Variants in TTC28 observed in about 807,000 individuals in gnomAD.
TTC28 encodes the protein tetratricopeptide repeat domain 28.
TTC28 carries 61 observed loss-of-function variants against 198.0 expected under a neutral mutation model. The observed-to-expected ratio is 0.31, with a 90% CI of 0.25 to 0.38. The LOEUF (loss-of-function observed/expected upper bound fraction) is 0.38, where lower values mean the gene tolerates loss of function less well. Ranked by LOEUF, TTC28 falls within the 10% of genes least tolerant of loss-of-function variation. TTC28 has a pLI of 1.00. For synonymous variants in TTC28, 1,171 were observed against 1,297.8 expected (o/e 0.90, Z 2.10); for missense variants, 2,678 against 3,164.0 (o/e 0.85, Z 3.69).
intron 2 of TTC28, among the ~76,000 whole-genome samples, chr22:28,400,246 T>G (rs1450783809): frequency 6.6e-6 from 1 of 152,180 alleles, no homozygotes. Flanking sequence ...CATCAACCAA[T>G]TTTTACTTAA....
intron 5 of TTC28, among the ~76,000 whole-genome samples, chr22:28,238,701 G>A (rs918785641): frequency 3.3e-5 from 5 of 152,044 alleles, no homozygotes; most frequent in African/African-American, 9.7e-5. Flanking sequence ...TTTCCATCTG[G>A]CCATGTGGTA....
intron 2 of TTC28, among the ~76,000 whole-genome samples, chr22:28,351,468 C>G (rs2045995181): frequency 6.6e-6 from 1 of 152,134 alleles, no homozygotes; most frequent in African/African-American, 2.4e-5. Flanking sequence ...ACGTGAAAAG[C>G]CTTTGTGAAT....
intron 5 of TTC28, among the ~76,000 whole-genome samples, chr22:28,179,123 T>C (rs1923453407): frequency 1.3e-5 from 2 of 152,092 alleles, no homozygotes; most frequent in African/African-American, 2.4e-5. Context: ...ATTGGGTCTA[T>C]TTTAAGCACT....
At chr22:28,169,718 C>A (rs112592774) in intron 5 of TTC28, among the ~76,000 whole-genome samples, 4 of 151,826 alleles carry the variant, frequency 2.6e-5, no homozygotes, top group African/African-American at 4.8e-5. Flanking sequence ...ATACCTAATG[C>A]TAAATGACGA....
chr22:28,449,869 G>A (rs1027207436), intron 2 of TTC28, among the ~76,000 whole-genome samples: 1 of 152,078 alleles, frequency 6.6e-6, no homozygotes, highest in African/African-American at 2.4e-5. Flanking sequence ...AGTCAAACAG[G>A]TCCTAAGAGC....
intron 5 of TTC28, among the ~76,000 whole-genome samples, chr22:28,189,406 G>A (rs917766348): frequency 2.0e-5 from 3 of 151,868 alleles, no homozygotes; most frequent in Admixed American, 2.0e-4. Context: ...CTAAGGAAGG[G>A]GGAAGAAAGA....
chr22:28,588,259 G>A (rs923712758), intron 2 of TTC28, among the ~76,000 whole-genome samples: 4 of 152,004 alleles, frequency 2.6e-5, no homozygotes, highest in South Asian at 2.1e-4. Context: ...CATACTTTCC[G>A]TCATCAGGAA....
At chr22:28,172,059 T>G (rs1004739957) in intron 5 of TTC28, among the ~76,000 whole-genome samples, 1 of 152,114 alleles carries the variant, frequency 6.6e-6, no homozygotes, top group African/African-American at 2.4e-5. Context: ...CCCACCTTAT[T>G]CTTTGTGGGT....
intron 2 of TTC28, among the ~76,000 whole-genome samples, chr22:28,622,105 G>A (rs1022358378): frequency 1.3e-5 from 2 of 152,166 alleles, no homozygotes; most frequent in Non-Finnish European, 2.9e-5. Context: ...GCTGTAAAGT[G>A]AGTCCCCATT....
chr22:28,292,597 T>G (rs1011008401), intron 5 of TTC28, among the ~76,000 whole-genome samples: 12 of 152,236 alleles, frequency 7.9e-5, no homozygotes, highest in African/African-American at 2.9e-4. Flanking sequence ...ATCTGGTCTT[T>G]GCTAAAGCCA....
intron 6 of TTC28, among the ~76,000 whole-genome samples, chr22:28,141,473 G>C (rs747697805): frequency 6.6e-6 from 1 of 151,948 alleles, no homozygotes; most frequent in East Asian, 1.9e-4. Context: ...TTTTCATTAC[G>C]TCTCACTGAA....
Position 28,392,422 on chromosome 22 carries a change from C to T in TTC28, c.382-85779G>A, listed in dbSNP as rs553504036. On this transcript the variant is annotated intron_variant, in intron 2 of 22. Coordinates refer to ENST00000397906, the MANE Select transcript of TTC28 (RefSeq NM_001145418.2). ...TTACCTAAGCAAGCCTGGGCAATGG[C>T]GGGCACTCCTCCCCCAGCCTCGCTG... is the stretch of plus-strand genomic sequence containing the variant. Among the ~76,000 whole-genome samples the T allele has an allele frequency of 2.6e-4, 40 of 152,254 alleles. 2 individuals are homozygous for T. The highest frequency in any genetic ancestry group is 9.1e-4 in the African/African-American group (38 of 41,532).
chr22:28,644,924 T>A (rs545238440), intron 1 of TTC28, among the ~76,000 whole-genome samples: 2 of 151,762 alleles, frequency 1.3e-5, no homozygotes, highest in East Asian at 3.9e-4. Flanking sequence ...GGTGCGCAGA[T>A]CATGAGGTCA....
chr22:28,038,585 A>G (rs112125151), intron 12 of TTC28, among the ~76,000 whole-genome samples: 3 of 152,208 alleles, frequency 2.0e-5, no homozygotes, highest in African/African-American at 7.2e-5. Context: ...AACCTAGGCA[A>G]TACCATTCAG....
intron 12 of TTC28, chr22:28,056,133 C>G (rs1206140416): frequency 1.3e-5 from 2 of 151,984 alleles, no homozygotes; most frequent in African/African-American, 4.8e-5. Context: ...TGCCTTGATT[C>G]TATCATTAGC....
intron 2 of TTC28, among the ~76,000 whole-genome samples, chr22:28,361,452 A>T (rs1017727278): frequency 6.6e-6 from 1 of 152,112 alleles, no homozygotes; most frequent in Non-Finnish European, 1.5e-5. Context: ...CAAAACCCTA[A>T]CTATTCAGTT....
chr22:28,314,837 C>T lies in TTC28; in HGVS notation c.382-8194G>A, dbSNP rs184213416. Among the ~76,000 whole-genome samples, 316 of 152,100 alleles carry T rather than the reference C, an allele frequency of 2.1e-3. 1 individual carries two copies. Among genetic ancestry groups the T allele is most frequent in the African/African-American group, 6.6e-3 (275 of 41,492 alleles). On this transcript the variant is annotated intron_variant, in intron 2 of 22. Transcript: ENST00000397906. ...GTAGTGAGCTATGATGGTTCCACTGCATTACAGCCTGGGAAACAGAGTGAG... is the reference window on the plus strand; with the variant it reads ...GTAGTGAGCTATGATGGTTCCACTGTATTACAGCCTGGGAAACAGAGTGAG...
chr22:28,081,503 T>C (rs912021765), intron 12 of TTC28, among the ~76,000 whole-genome samples: 1 of 151,352 alleles, frequency 6.6e-6, no homozygotes, highest in African/African-American at 2.4e-5. Flanking sequence ...ATTTTTTTTT[T>C]TTTTTTTTAG....
intron 12 of TTC28, chr22:28,056,239 A>G (rs1940283238): frequency 1.3e-5 from 2 of 152,116 alleles, no homozygotes; most frequent in Non-Finnish European, 1.5e-5. Context: ...GATCCGCACC[A>G]GAGTTCTCAC....
Sources: gnomAD v4.1 joint callset for allele counts (sites outside exome capture counted in the v4.1 genomes callset) on GRCh38, gnomAD v4.1.1 for gene constraint, MANE v1.5 for transcripts, NCBI Gene and HGNC (gene_info 2026-07-23, HGNC 2026-07-21) for gene names.